Variants in SMYD4 observed in about 807,000 individuals in gnomAD.
SMYD4 encodes the protein protein-lysine N-methyltransferase SMYD4.
SMYD4 carries 68 observed loss-of-function variants against 72.8 expected under a neutral mutation model. The observed-to-expected ratio is 0.93, with a 90% CI of 0.77 to 1.14. SMYD4 has a LOEUF of 1.14. Ranked by LOEUF, SMYD4 falls within the 50% of genes most tolerant of loss-of-function variation. The pLI is 0.00. For synonymous variants in SMYD4, 407 were observed against 388.6 expected (o/e 1.05, Z -0.56); for missense variants, 984 against 1,003.7 (o/e 0.98, Z 0.27).
chr17:1,794,261 C>G (rs1008939120), intron 5 of SMYD4, among the ~76,000 whole-genome samples: 2 of 147,032 alleles, frequency 1.4e-5, no homozygotes, highest in African/African-American at 5.0e-5. Flanking sequence ...AGGCGCCCAC[C>G]ACCACACCAG....
At chr17:1,791,020 G>A (rs867808978) in intron 5 of SMYD4, among the ~76,000 whole-genome samples, 5 of 150,372 alleles carry the variant, frequency 3.3e-5, no homozygotes, top group Middle Eastern at 6.8e-3. Context: ...CCAGCTACTC[G>A]GGAGGCTGAG....
At chr17:1,824,722 CA>C (rs1276894671) in intron 2 of SMYD4, among the ~76,000 whole-genome samples, 1 of 152,140 alleles carries the variant, frequency 6.6e-6, no homozygotes, top group Non-Finnish European at 1.5e-5. Context: ...CAGGTTCAAG[CA>C]ATTCTCCTGT....
chr17:1,782,987 C>T, intron 10 of SMYD4, 48 bp downstream of exon 10: 1 of 1,574,308 alleles, frequency 6.4e-7, no homozygotes. Flanking sequence ...CCCAGAAGAG[C>T]CTAGGAAAGG....
At chr17:1,802,228 C>T (rs145416529) in intron 4 of SMYD4, among the ~76,000 whole-genome samples, 7 of 152,272 alleles carry the variant, frequency 4.6e-5, no homozygotes, top group South Asian at 2.1e-4. Context: ...TGGTGGCTCA[C>T]GCCTGTAATC....
At chr17:1,790,796 C>T (rs1690942782) in intron 5 of SMYD4, among the ~76,000 whole-genome samples, 1 of 151,730 alleles carries the variant, frequency 6.6e-6, no homozygotes, top group African/African-American at 2.4e-5. Context: ...TAAGCCATGC[C>T]CATCCCTGGT....
chr17:1,786,746 T>C, intron 7 of SMYD4, 64 bp downstream of exon 7: 5 of 1,600,026 alleles, frequency 3.1e-6, no homozygotes, highest in Non-Finnish European at 4.3e-6. Flanking sequence ...TCCTAAACAC[T>C]GATCACCCTT....
At position 1,780,459 on chromosome 17, in the gene SMYD4, C is replaced by G. The variant is rs1331392651; in HGVS notation, c.*827G>C. The G allele has an allele frequency of 6.6e-6, 1 of 152,004 alleles. No individual in the cohort carries two copies. 9.4% of individuals were successfully genotyped at this position (152,004 alleles called of 1,614,324 possible). A position where few individuals can be genotyped will look rare whatever the true frequency, so the allele number is the denominator to read the frequency against. ...TTTGAACTCCTGGGCTCAAGTGATC[C>G]TCCCACCTCAGCGTCTCAAAGTACT... On this transcript the variant is annotated 3_prime_UTR_variant, in exon 11 of 11. Transcript: ENST00000305513.
At chr17:1,803,000 C>T (rs1167279902) in intron 4 of SMYD4, among the ~76,000 whole-genome samples, 2 of 152,088 alleles carry the variant, frequency 1.3e-5, no homozygotes, top group South Asian at 2.1e-4. Context: ...TAAAATTAGC[C>T]GGGCGTGGTG....
rs1243026799 is a variant in SMYD4 at position 1,793,392 on chromosome 17, G to A, written c.1538-5788C>T. ...ACCCCGGCAGTTTTGGCTCAGCTGA[G>A]TATTTTTTTTTTTTCTGCTGGTTTT... On this transcript the variant is annotated intron_variant, in intron 5 of 10. Transcript: ENST00000305513. Among the ~76,000 whole-genome samples, 5 of 151,526 alleles carry A rather than the reference G, an allele frequency of 3.3e-5. No homozygotes were observed. The East Asian group carries it at 7.7e-4, about 23-fold the overall frequency.
At chr17:1,806,930 G>A (rs899796839) in intron 3 of SMYD4, among the ~76,000 whole-genome samples, 15 of 151,516 alleles carry the variant, frequency 9.9e-5, no homozygotes, top group African/African-American at 1.9e-4. Flanking sequence ...TCTCGTTGTC[G>A]TCCAGGCTGG....
chr17:1,810,009 G>A (rs184222196), intron 3 of SMYD4, among the ~76,000 whole-genome samples: 1 of 151,714 alleles, frequency 6.6e-6, no homozygotes, highest in African/African-American at 2.4e-5. Context: ...TGCCCAGGCT[G>A]GTCTTGAACT....
rs1908529077 is a variant in SMYD4 at position 1,784,281 on chromosome 17, TAAAAG to T, written c.2020+40_2020+44del. 3.7e-6 allele frequency: 6 copies of T among 1,611,636 alleles called. No homozygotes were observed. The African/African-American group carries it at 6.7e-5, about 18-fold the overall frequency. ...GAGTCCAAAACGGTATCAGAACAAATAAAAGGGAAGGGGCTGGAGGACCAAAGCAG... is the reference window on the plus strand; with the variant it reads ...GAGTCCAAAACGGTATCAGAACAAATGGAAGGGGCTGGAGGACCAAAGCAG... On this transcript the variant is annotated intron_variant, in intron 8 of 10. Transcript: ENST00000305513.
chr17:1,781,433 T>A lies in SMYD4; in HGVS notation c.2268A>T (p.Ala756=), dbSNP rs746076324. 1.2e-6 allele frequency: 2 copies of A among 1,613,384 alleles called. No individual in the cohort carries two copies. The highest frequency in any genetic ancestry group is 3.3e-5 in the Admixed American group (2 of 59,800). The part of the protein sequence containing the change: ...KLAQIFFNGF[A]VPEALSTIQK... ...GTATTGTGCTCAGGGCTTCGGGTACTGCAAACCTGAGCCAAGGGAGGTAAG... is the reference window on the plus strand; with the variant it reads ...GTATTGTGCTCAGGGCTTCGGGTACAGCAAACCTGAGCCAAGGGAGGTAAG... The change falls in exon 11 of 11, where the codon GCA becomes GCT. Residue 756 remains alanine (A), a synonymous_variant. Transcript: ENST00000305513.
rs71150816 is a variant in SMYD4, at chr17:1,789,764, C to CCAAAA, written c.1538-2161_1538-2160insTTTTG. Reference sequence around the variant, plus strand: ...TGGGTGAAAGAGCGAGACTCTGTCTCAAAAAAAAAAAAAAAGTTTTATAAA... The same window carrying CCAAAA: ...TGGGTGAAAGAGCGAGACTCTGTCTCCAAAAAAAAAAAAAAAAAAAGTTTTATAAA... On this transcript the variant is annotated intron_variant, in intron 5 of 10. Transcript: ENST00000305513. 4.2e-4 allele frequency among the ~76,000 whole-genome samples: 38 copies of CCAAAA among 90,124 alleles called. 5 individuals are homozygous for CCAAAA. The highest frequency in any genetic ancestry group is 9.0e-4 in the East Asian group (3 of 3,316). The allele number at this position is 90,124 out of a possible 152,430, so 59.1% of individuals were successfully genotyped here.
At chr17:1,810,820 A>G (rs1262750339) in intron 3 of SMYD4, among the ~76,000 whole-genome samples, 2 of 152,256 alleles carry the variant, frequency 1.3e-5, no homozygotes, top group Non-Finnish European at 2.9e-5. Context: ...AGGCATCGGC[A>G]TGCCATCGAC....
chr17:1,799,811 C>T lies in SMYD4; in HGVS notation c.1537+46G>A, dbSNP rs765538609. ...ATTGTTTCTTCTCAAACACCTGCTC[C>T]ATCGAGAACAATATTGAAAAGCAGG... is the stretch of plus-strand genomic sequence containing the variant. On this transcript the variant is annotated intron_variant, in intron 5 of 10. Transcript: ENST00000305513. 3.0e-5 allele frequency: 44 copies of T among 1,482,142 alleles called. No homozygotes were observed. The Admixed American group carries it at 4.8e-4, about 16-fold the overall frequency. The allele number at this position is 1,482,142 out of a possible 1,614,324, so 91.8% of individuals were successfully genotyped here. A position where few individuals can be genotyped will look rare whatever the true frequency, so the allele number is the denominator to read the frequency against.
At chr17:1,793,322 G>C in intron 5 of SMYD4, among the ~76,000 whole-genome samples, 1 of 151,842 alleles carries the variant, frequency 6.6e-6, no homozygotes, top group Non-Finnish European at 1.5e-5. Flanking sequence ...GTTTTTTTGG[G>C]GGGATTGTTA....
chr17:1,801,728 G>A (rs1909769908), intron 4 of SMYD4, among the ~76,000 whole-genome samples: 1 of 149,460 alleles, frequency 6.7e-6, no homozygotes, highest in African/African-American at 2.5e-5. Flanking sequence ...TGTAACCCCA[G>A]CACTTTAGGA....
intron 5 of SMYD4, among the ~76,000 whole-genome samples, chr17:1,797,330 A>C (rs1363373171): frequency 2.6e-5 from 4 of 152,222 alleles, no homozygotes; most frequent in Non-Finnish European, 5.9e-5. Flanking sequence ...GAGTCAAAAA[A>C]CATTTTCTGC....
Sources: gnomAD v4.1 joint callset for allele counts (sites outside exome capture counted in the v4.1 genomes callset) on GRCh38, gnomAD v4.1.1 for gene constraint, MANE v1.5 for transcripts, NCBI Gene and HGNC (gene_info 2026-07-23, HGNC 2026-07-21) for gene names.